The following MRTO4 variants were observed in gnomAD, a reference collection of about 807,000 sequenced individuals.
MRTO4 encodes the protein mRNA turnover protein 4 homolog.
Under a neutral mutation model 28.6 loss-of-function variants are expected in MRTO4, and 7 were observed. The ratio of observed to expected loss-of-function variants is 0.24; its 90% CI spans 0.14 to 0.46. The LOEUF (loss-of-function observed/expected upper bound fraction) is 0.46. MRTO4 is among the 20% of genes least tolerant of loss of function. The pLI is 0.99. For missense variants in MRTO4, 302 were observed against 298.3 expected (o/e 1.01, Z -0.09); for synonymous variants, 113 against 108.2 (o/e 1.04, Z -0.27).
chr1:19,254,274 C>T (rs1320732033), intron 1 of MRTO4, among the ~76,000 whole-genome samples: 5 of 152,138 alleles, frequency 3.3e-5, no homozygotes, highest in African/African-American at 4.8e-5. Flanking sequence ...ATTAGCAGGC[C>T]ATGGTGGTGT....
At position 19,254,799 on chromosome 1, in the gene MRTO4, G is replaced by A. The variant is rs750418059; in HGVS notation, c.46G>A (p.Ala16Thr). The A allele has an allele frequency of 6.2e-7, 1 of 1,611,474 alleles. No individual in the cohort carries two copies. Among genetic ancestry groups the A allele is most frequent in the East Asian group, 2.2e-5 (1 of 44,860 alleles). ...RDKKVSLTKT[A>T]KKGLELKQNL... The stretch of plus-strand genomic sequence containing the variant: ...TTTATTAGTCTCCTTAACCAAAACT[G>A]CCAAGAAAGGCTTGGAATTGAAACA... The change falls in exon 2 of 8, where the codon GCC becomes ACC. Residue 16 changes from alanine to threonine, a missense_variant. Coordinates refer to ENST00000330263, the MANE Select transcript of MRTO4 (RefSeq NM_016183.4).
At position 19,258,883 on chromosome 1, in the gene MRTO4, T is replaced by C; in HGVS notation, c.*53T>C. On this transcript the variant is annotated 3_prime_UTR_variant, in exon 8 of 8. Coordinates refer to ENST00000330263, the MANE Select transcript of MRTO4 (RefSeq NM_016183.4). ...GAAGCTTCTGGGTCTCACTGGACCA[T>C]CAGGACTGCTGCCGCCCCTCTGGAG... 6.3e-7 allele frequency: 1 copy of C among 1,582,620 alleles called. No individual in the cohort carries two copies. The highest frequency in any genetic ancestry group is 8.6e-7 in the Non-Finnish European group (1 of 1,164,740).
Position 19,251,816 on chromosome 1 carries a change from C to A in MRTO4, c.-20C>A. On this transcript the variant is annotated 5_prime_UTR_variant, in exon 1 of 8. Coordinates refer to ENST00000330263, the MANE Select transcript of MRTO4 (RefSeq NM_016183.4). ...TCCTAACGGGGTGCACCGTCTTCCG[C>A]CGCACGTGGATTCAGCGCGATGCCC... 1 of 1,568,062 alleles carries A rather than the reference C, an allele frequency of 6.4e-7. No homozygotes were observed.
chr1:19,258,450 G>A (rs1398868732), intron 6 of MRTO4, 27 bp from the exon 7 acceptor site: 8 of 1,612,774 alleles, frequency 5.0e-6, no homozygotes, highest in South Asian at 1.1e-5. Context: ...TGGGCCAGAG[G>A]TAACTGAGAG....
intron 3 of MRTO4, among the ~76,000 whole-genome samples, chr1:19,256,863 C>T (rs1489869619): frequency 6.6e-6 from 1 of 152,128 alleles, no homozygotes; most frequent in African/African-American, 2.4e-5. Flanking sequence ...AAAATGTTGC[C>T]ATGTCAGGAG....
At chr1:19,254,636 A>G in intron 1 of MRTO4, 146 bp from the exon 2 acceptor site, 1 of 722,152 alleles carries the variant, frequency 1.4e-6, no homozygotes, top group Non-Finnish European at 2.5e-6. Context: ...TTTGTGTGCC[A>G]GAAATGATGG....
rs1479328776 is a variant in MRTO4, at chr1:19,257,125, T to C, written c.253T>C (p.Tyr85His). The change falls in exon 4 of 8, where the codon TAC (tyrosine) becomes CAC (histidine). Residue 85 changes from tyrosine (Y) to histidine (H), a missense_variant. Transcript: ENST00000330263. ...VALGRSPSDEYKDNLHQVSKR... is the reference protein window; with the variant it reads ...VALGRSPSDEHKDNLHQVSKR... ...CTTGGGTCGGAGCCCATCTGATGAA[T>C]ACAAAGACAACCTGCACCAGGTAAG... is the stretch of plus-strand genomic sequence containing the variant. 6.2e-6 allele frequency: 10 copies of C among 1,614,120 alleles called. No individual in the cohort carries two copies. The highest frequency in any genetic ancestry group is 8.5e-6 in the Non-Finnish European group (10 of 1,180,010).
rs557643083 is a variant in MRTO4, at chr1:19,254,080, G to C, written c.29-702G>C. 2.0e-5 allele frequency among the ~76,000 whole-genome samples: 3 copies of C among 152,312 alleles called. No individual in the cohort carries two copies. In the East Asian group the frequency reaches 5.8e-4, roughly 29 times the overall value. On this transcript the variant is annotated intron_variant, in intron 1 of 7. Coordinates refer to ENST00000330263, the MANE Select transcript of MRTO4 (RefSeq NM_016183.4). ...AGAGTGGCCTCTGCATCATGGTCAA[G>C]AGCAGCAAGGGGCCAGGCATGGTGG...
In MRTO4 at chr1:19,259,428, A is replaced by T. The variant is rs560086605; in HGVS notation, c.*598A>T. 1 of 152,352 alleles carries T rather than the reference A, an allele frequency of 6.6e-6. No individual in the cohort carries two copies. Among genetic ancestry groups the T allele is most frequent in the African/African-American group, 2.4e-5 (1 of 41,564 alleles). The allele number at this position is 152,352 out of a possible 1,614,324, so 9.4% of individuals were successfully genotyped here. ...GATCCCGTCTCTACAAAAAATAAAA[A>T]AAAATTAGTCGTGGTGCCACTTGCC... On this transcript the variant is annotated 3_prime_UTR_variant, in exon 8 of 8. Transcript: ENST00000330263.
In MRTO4 at chr1:19,257,948, C is replaced by A; in HGVS notation, c.457C>A (p.Leu153Ile). The A allele has an allele frequency of 6.2e-7, 1 of 1,614,068 alleles. No homozygotes were observed. The highest frequency in any genetic ancestry group is 8.5e-7 in the Non-Finnish European group (1 of 1,180,044). ...EQFPHSMEPQ[L>I]RQLGLPTALK... ...GTTCCCCCACTCCATGGAGCCACAG[C>A]TCAGGCAGCTGGGCCTGCCCACCGC... Residue 153 changes from leucine to isoleucine, a missense_variant, in exon 6 of 8, where the codon CTC becomes ATC. Coordinates refer to ENST00000330263, the MANE Select transcript of MRTO4 (RefSeq NM_016183.4).
At chr1:19,256,899 G>C (rs911488018) in intron 3 of MRTO4, among the ~76,000 whole-genome samples, 165 bp from the exon 4 acceptor site, 1 of 152,168 alleles carries the variant, frequency 6.6e-6, no homozygotes, top group Admixed American at 6.5e-5. Context: ...ATAATGAAAG[G>C]GACCCCAACG....
chr1:19,255,700 C>T (rs965331931), intron 2 of MRTO4, among the ~76,000 whole-genome samples: 3 of 152,174 alleles, frequency 2.0e-5, no homozygotes, highest in African/African-American at 7.2e-5. Context: ...ATCAGTTCCA[C>T]TGTTGGTCAT....
rs778107335 is a variant in MRTO4 at position 19,258,459 on chromosome 1, A to G, written c.494-18A>G. 1 of 1,613,300 alleles carries G rather than the reference A, an allele frequency of 6.2e-7. No individual in the cohort carries two copies. Among genetic ancestry groups the G allele is most frequent in the Non-Finnish European group, 8.5e-7 (1 of 1,179,994 alleles). ...GGCCTCTGGGCCAGAGGTAACTGAG[A>G]GCCACCCTCTTCTGCAGGTGTGGTG... On this transcript the variant is annotated intron_variant, in intron 6 of 7. Coordinates refer to ENST00000330263, the MANE Select transcript of MRTO4 (RefSeq NM_016183.4).
rs2093676843 is a variant in MRTO4, at chr1:19,259,344, T to C, written c.*514T>C. On this transcript the variant is annotated 3_prime_UTR_variant, in exon 8 of 8. Coordinates refer to ENST00000330263, the MANE Select transcript of MRTO4 (RefSeq NM_016183.4). ...GGGAGAGGAGGGAGAGGGCTCTTTC[T>C]TAGAAAAGAGGCCTTTGGTGAGCCC... is the stretch of plus-strand genomic sequence containing the variant. 1 of 152,322 alleles carries C rather than the reference T, an allele frequency of 6.6e-6. No individual in the cohort carries two copies. The highest frequency in any genetic ancestry group is 1.5e-5 in the Non-Finnish European group (1 of 68,316). The allele number at this position is 152,322 out of a possible 1,614,324, so 9.4% of individuals were successfully genotyped here.
chr1:19,258,532 C>A lies in MRTO4; in HGVS notation c.549C>A (p.Thr183=). Residue 183 remains threonine (T), a synonymous_variant, in exon 7 of 8, where the codon ACC becomes ACA. Transcript: ENST00000330263. ...TGTGCAAGGAGGGCGATGTGCTGAC[C>A]CCAGAGCAGGCTCGCGTCCTGGTGA... The part of the protein sequence containing the change: ...YEVCKEGDVL[T]PEQARVLKLF... 1 of 1,614,098 alleles carries A rather than the reference C, an allele frequency of 6.2e-7. No homozygotes were observed. The highest frequency in any genetic ancestry group is 8.5e-7 in the Non-Finnish European group (1 of 1,180,046).
rs1435294092 is a variant in MRTO4 at position 19,258,939 on chromosome 1, G to A, written c.*109G>A. ...AGCTTTTTATTTGTCTGTAGACAGG[G>A]AACATGATGGGCACTGACCTCCTGT... On this transcript the variant is annotated 3_prime_UTR_variant, in exon 8 of 8. Coordinates refer to ENST00000330263, the MANE Select transcript of MRTO4 (RefSeq NM_016183.4). The A allele has an allele frequency of 6.2e-6, 8 of 1,295,240 alleles. No homozygotes were observed. The East Asian group carries it at 7.6e-5, about 12-fold the overall frequency. The allele number at this position is 1,295,240 out of a possible 1,614,324, so 80.2% of individuals were successfully genotyped here.
Position 19,258,698 on chromosome 1 carries a change from G to A in MRTO4, c.588G>A (p.Glu196=), listed in dbSNP as rs1358241936. Residue 196 remains glutamate (E), a synonymous_variant, in exon 8 of 8, where the codon GAG becomes GAA. Coordinates refer to ENST00000330263, the MANE Select transcript of MRTO4 (RefSeq NM_016183.4). ...QARVLKLFGY[E]MAEFKVTIKY... ...TCTTGCAGAAGCTTTTTGGGTATGA[G>A]ATGGCTGAATTCAAGGTGACCATCA... The A allele has an allele frequency of 6.2e-7, 1 of 1,614,220 alleles. No individual in the cohort carries two copies.
chr1:19,256,188 C>T (rs2093671255), intron 3 of MRTO4, 137 bp downstream of exon 3: 3 of 707,348 alleles, frequency 4.2e-6, no homozygotes, highest in Non-Finnish European at 7.3e-6. Context: ...CAAAGTGCTA[C>T]CTGCCACTGA....
chr1:19,252,268 G>A, intron 1 of MRTO4: 2 of 248,686 alleles, frequency 8.0e-6, no homozygotes, highest in Non-Finnish European at 1.6e-5. Flanking sequence ...CGTGTCTGGC[G>A]TTGTGTGTCT....
Sources: allele counts gnomAD v4.1 joint callset (sites outside exome capture counted in the v4.1 genomes callset), GRCh38; gene constraint gnomAD v4.1.1; transcripts MANE v1.5; gene names NCBI Gene and HGNC (gene_info 2026-07-23, HGNC 2026-07-21).